Variants in CNTN1 observed in about 807,000 individuals in gnomAD.
The protein encoded by CNTN1 is contactin-1.
A neutral mutation model predicts 126.4 loss-of-function variants in CNTN1; 38 were observed. That is an observed-to-expected ratio of 0.30 (90% CI 0.23 to 0.39). CNTN1 has a LOEUF of 0.39. Among genes scored for constraint, CNTN1 ranks in the 10% least tolerant of loss-of-function variants. The pLI, the probability that CNTN1 is intolerant of heterozygous loss-of-function variation, is 1.00. For missense variants in CNTN1, 1,009 were observed against 1,248.4 expected, an observed-to-expected ratio of 0.81 and a Z score of 2.89; for synonymous variants, 413 against 422.6, an observed-to-expected ratio of 0.98 and a Z score of 0.28.
intron 17 of CNTN1, among the ~76,000 whole-genome samples, chr12:41,009,444 C>T (rs1464437009): frequency 1.3e-5 from 2 of 152,174 alleles, no homozygotes; most frequent in Admixed American, 1.3e-4. Flanking sequence ...CTTTAACCAT[C>T]AAATTAAGTT....
chr12:40,703,908 C>T (rs746462954), intron 1 of CNTN1, among the ~76,000 whole-genome samples: 4 of 152,046 alleles, frequency 2.6e-5, no homozygotes, highest in Non-Finnish European at 5.9e-5. Flanking sequence ...CAAGAGTCTT[C>T]TAAACTAAGT....
chr12:40,710,624 G>A (rs189891942), intron 1 of CNTN1, among the ~76,000 whole-genome samples: 1 of 152,092 alleles, frequency 6.6e-6, no homozygotes, highest in Non-Finnish European at 1.5e-5. Flanking sequence ...TAGCTGTACT[G>A]ATAAATTTCC....
At chr12:40,931,189 A>G (rs760188175) in intron 7 of CNTN1, among the ~76,000 whole-genome samples, 4 of 151,928 alleles carry the variant, frequency 2.6e-5, no homozygotes, top group Non-Finnish European at 5.9e-5. Flanking sequence ...CTTGTATTCA[A>G]TGCAATTTTG....
At chr12:40,721,899 G>T (rs1942227330) in intron 1 of CNTN1, among the ~76,000 whole-genome samples, 3 of 150,720 alleles carry the variant, frequency 2.0e-5, no homozygotes, top group Non-Finnish European at 3.0e-5. Flanking sequence ...TTTTATGGCT[G>T]CATAGTATTC....
chr12:40,911,493 A>T (rs1180259913), intron 3 of CNTN1, among the ~76,000 whole-genome samples: 3 of 152,130 alleles, frequency 2.0e-5, no homozygotes, highest in Non-Finnish European at 2.9e-5. Flanking sequence ...AGTATTTTTT[A>T]AAAATAGCCT....
Position 41,051,893 on chromosome 12 carries a change from AACACACACACACACAC to A in CNTN1, c.2981-18034_2981-18019del, listed in dbSNP as rs71078300. ...CATCTCCTAACATCCACCCCACACA[AACACACACACACACAC>A]ACACACACACACACACACACACACA... On this transcript the variant is annotated intron_variant, in intron 23 of 23. Transcript: ENST00000551295. 3.5e-3 allele frequency among the ~76,000 whole-genome samples: 474 copies of A among 134,540 alleles called. 3 individuals carry two copies. The highest frequency in any genetic ancestry group is 0.011 in the African/African-American group (415 of 36,744). 88.3% of individuals were successfully genotyped at this position (134,540 alleles called of 152,430 possible).
chr12:41,041,873 G>T (rs1252234593), intron 23 of CNTN1, among the ~76,000 whole-genome samples: 1 of 151,938 alleles, frequency 6.6e-6, no homozygotes, highest in Non-Finnish European at 1.5e-5. Flanking sequence ...CTAGCTCCTG[G>T]GGGCTTTAAT....
At chr12:40,769,404 G>C (rs187323968) in intron 1 of CNTN1, among the ~76,000 whole-genome samples, 1 of 152,210 alleles carries the variant, frequency 6.6e-6, no homozygotes, top group Non-Finnish European at 1.5e-5. Context: ...TTGGAAACAA[G>C]AGCAGACTAT....
intron 1 of CNTN1, among the ~76,000 whole-genome samples, chr12:40,859,626 C>T (rs1943050865): frequency 6.6e-6 from 1 of 152,018 alleles, no homozygotes; most frequent in South Asian, 2.1e-4. Flanking sequence ...AGTAATATCC[C>T]ATCATATTGA....
In CNTN1 at chr12:40,822,148, C is replaced by CTTTTTTTTTTTTTTTTTTTTTT. The variant is rs777953120; in HGVS notation, c.-76-86206_-76-86185dup. ...TTTCCAGTCTAGACAAAATATAAATCTTTTTTTTTTTTTTTTTTTTTTTTG... is the reference window on the plus strand; with the variant it reads ...TTTCCAGTCTAGACAAAATATAAATCTTTTTTTTTTTTTTTTTTTTTTTTTTTTTTTTTTTTTTTTTTTTTTG... On this transcript the variant is annotated intron_variant, in intron 1 of 23. Coordinates refer to ENST00000551295, the MANE Select transcript of CNTN1 (RefSeq NM_001843.4). Among the ~76,000 whole-genome samples the CTTTTTTTTTTTTTTTTTTTTTT allele has an allele frequency of 5.7e-3, 268 of 47,262 alleles. 37 individuals are homozygous for CTTTTTTTTTTTTTTTTTTTTTT. The highest frequency in any genetic ancestry group is 9.4e-3 in the East Asian group (10 of 1,068). The allele number at this position is 47,262 out of a possible 152,430, so 31.0% of individuals were successfully genotyped here. A position where few individuals can be genotyped will look rare whatever the true frequency, so the allele number is the denominator to read the frequency against.
At chr12:40,790,390 C>A (rs952211051) in intron 1 of CNTN1, among the ~76,000 whole-genome samples, 1 of 152,098 alleles carries the variant, frequency 6.6e-6, no homozygotes, top group South Asian at 2.1e-4. Context: ...ATGATCACTT[C>A]ATTCTACCAG....
Position 40,963,776 on chromosome 12 carries a change from C to T in CNTN1, c.1804+4542C>T, listed in dbSNP as rs138765099. 2.4e-3 allele frequency among the ~76,000 whole-genome samples: 369 copies of T among 152,084 alleles called. 1 individual carries two copies. Among genetic ancestry groups the T allele is most frequent in the African/African-American group, 8.6e-3 (356 of 41,508 alleles). ...TCTTAGGTCCCATAAAAGTATATTT[C>T]GGGTTGCCTCGTCAAAGTAAGTGTC... On this transcript the variant is annotated intron_variant, in intron 15 of 23. Coordinates refer to ENST00000551295, the MANE Select transcript of CNTN1 (RefSeq NM_001843.4).
At position 40,927,796 on chromosome 12, in the gene CNTN1, A is replaced by C. The variant is rs1256255960; in HGVS notation, c.497-2000A>C. On this transcript the variant is annotated intron_variant, in intron 6 of 23. Coordinates refer to ENST00000551295, the MANE Select transcript of CNTN1 (RefSeq NM_001843.4). The stretch of plus-strand genomic sequence containing the variant: ...CATCGGGCATTCAGTCAGTTAGACC[A>C]GTTGTTCTATAGTCCAAGACTTATG... 4.6e-5 allele frequency among the ~76,000 whole-genome samples: 7 copies of C among 152,160 alleles called. 1 individual carries two copies.
intron 2 of CNTN1, 29 bp downstream of exon 2, chr12:40,908,522 T>C (rs1422121536): frequency 3.4e-6 from 5 of 1,464,866 alleles, no homozygotes; most frequent in Non-Finnish European, 4.8e-6. Context: ...ATATTCTACA[T>C]ATATTATGTC....
intron 17 of CNTN1, among the ~76,000 whole-genome samples, chr12:41,009,410 T>C (rs946589203): frequency 6.6e-6 from 1 of 152,182 alleles, no homozygotes; most frequent in Non-Finnish European, 1.5e-5. Context: ...ACTGCAGCAA[T>C]GGATCAGGGG....
chr12:41,051,519 T>A (rs1050052400), intron 23 of CNTN1, among the ~76,000 whole-genome samples: 1 of 151,872 alleles, frequency 6.6e-6, no homozygotes, highest in Non-Finnish European at 1.5e-5. Context: ...TGGCTTAGAC[T>A]GAGGGCAATT....
In CNTN1 at chr12:40,974,140, A is replaced by C. The variant is rs533081957; in HGVS notation, c.1805-6769A>C. On this transcript the variant is annotated intron_variant, in intron 15 of 23. Transcript: ENST00000551295. The stretch of plus-strand genomic sequence containing the variant: ...TATGAATGAAAACTGAGTAAAAATC[A>C]AATCTATATTTTGTTCATACATAGG... Among the ~76,000 whole-genome samples, 4 of 152,328 alleles carry C rather than the reference A, an allele frequency of 2.6e-5. No individual in the cohort carries two copies. The South Asian group carries it at 8.3e-4, about 32-fold the overall frequency.
chr12:40,903,669 T>G (rs1020130527), intron 1 of CNTN1, among the ~76,000 whole-genome samples: 1 of 152,076 alleles, frequency 6.6e-6, no homozygotes, highest in Admixed American at 6.5e-5. Context: ...GAAAGATACT[T>G]TTATACCCGA....
chr12:40,890,867 T>C (rs11178926), intron 1 of CNTN1, among the ~76,000 whole-genome samples: 4,907 of 152,124 alleles, frequency 0.032, 141 homozygotes, highest in African/African-American at 0.083. Flanking sequence ...TACTAAGGAG[T>C]GTGATTGCTG....
Sources: allele counts gnomAD v4.1 joint callset (sites outside exome capture counted in the v4.1 genomes callset), GRCh38; gene constraint gnomAD v4.1.1; transcripts MANE v1.5; gene names NCBI Gene and HGNC (gene_info 2026-07-23, HGNC 2026-07-21).